VWA8: variants seen among roughly 807,000 people sequenced by gnomAD.
VWA8 encodes von Willebrand factor A domain-containing protein 8.
A neutral mutation model predicts 241.5 loss-of-function variants in VWA8; 221 were observed. The observed-to-expected ratio is 0.91, with a 90% CI of 0.82 to 1.02. The LOEUF (loss-of-function observed/expected upper bound fraction) is 1.02, where lower values mean the gene tolerates loss of function less well. VWA8 is among the 50% of genes least tolerant of loss of function. VWA8 has a pLI of 0.00. For synonymous variants in VWA8, 852 were observed against 827.1 expected, an observed-to-expected ratio of 1.03 and a Z score of -0.52; for missense variants, 2,322 against 2,328.7, an observed-to-expected ratio of 1.00 and a Z score of 0.06.
chr13:41,763,507 T>C (rs955338555), intron 20 of VWA8, among the ~76,000 whole-genome samples: 16 of 150,014 alleles, frequency 1.1e-4, no homozygotes, highest in African/African-American at 3.6e-4. Context: ...TCACCCAAAA[T>C]AGTTTCAAGC....
At chr13:41,725,507 G>A (rs1301828002) in intron 24 of VWA8, among the ~76,000 whole-genome samples, 1 of 152,192 alleles carries the variant, frequency 6.6e-6, no homozygotes, top group Non-Finnish European at 1.5e-5. Context: ...AGAGGCCAGA[G>A]AGTGGGAAGG....
At chr13:41,898,865 C>CT (rs1875279667) in intron 4 of VWA8, among the ~76,000 whole-genome samples, 1 of 151,388 alleles carries the variant, frequency 6.6e-6, no homozygotes, top group African/African-American at 2.4e-5. Context: ...GGCCGGCCGG[C>CT]TGCTCCGAGT....
intron 18 of VWA8, among the ~76,000 whole-genome samples, chr13:41,784,731 C>CATAT (rs1566456360): frequency 2.5e-5 from 1 of 40,684 alleles, no homozygotes; most frequent in African/African-American, 7.4e-5. Flanking sequence ...TATATATATA[C>CATAT]ACACACATAT....
chr13:41,932,708 GA>G (rs201581721), intron 2 of VWA8, among the ~76,000 whole-genome samples: 5 of 148,152 alleles, frequency 3.4e-5, no homozygotes, highest in South Asian at 2.1e-4. Flanking sequence ...AAAAGAAAAA[GA>G]AAAAAAAACA....
At chr13:41,956,333 A>G (rs998318314) in intron 1 of VWA8, among the ~76,000 whole-genome samples, 4 of 152,222 alleles carry the variant, frequency 2.6e-5, no homozygotes, top group African/African-American at 9.7e-5. Context: ...GGTTAGTGTC[A>G]TCATTTTTAT....
chr13:41,572,039 C>T (rs1264902274), intron 43 of VWA8, among the ~76,000 whole-genome samples: 3 of 152,142 alleles, frequency 2.0e-5, no homozygotes, highest in African/African-American at 7.2e-5. Flanking sequence ...GCCCGACCAC[C>T]ACCCCATCTG....
chr13:41,811,970 G>A (rs1394158741), intron 16 of VWA8, among the ~76,000 whole-genome samples: 1 of 152,082 alleles, frequency 6.6e-6, no homozygotes, highest in Non-Finnish European at 1.5e-5. Flanking sequence ...AATTCTTTTG[G>A]CAGGCAGCAT....
chr13:41,865,613 C>A (rs1343820963), intron 12 of VWA8, 123 bp downstream of exon 12: 3 of 946,896 alleles, frequency 3.2e-6, no homozygotes, highest in Non-Finnish European at 4.7e-6. Context: ...AATTTTATTA[C>A]TATTTTGGTT....
chr13:41,789,823 G>A (rs1869373326), intron 17 of VWA8, among the ~76,000 whole-genome samples: 1 of 152,098 alleles, frequency 6.6e-6, no homozygotes, highest in Non-Finnish European at 1.5e-5. Flanking sequence ...TAATTAATTT[G>A]TACTTGTGAT....
intron 21 of VWA8, among the ~76,000 whole-genome samples, chr13:41,749,858 A>G (rs1456300633): frequency 8.7e-6 from 1 of 114,814 alleles, no homozygotes; most frequent in African/African-American, 3.4e-5. Flanking sequence ...GGAACATCAC[A>G]CTCCGGGGCC....
At chr13:41,680,271 A>G (rs1593693097) in intron 35 of VWA8, among the ~76,000 whole-genome samples, 2 of 152,148 alleles carry the variant, frequency 1.3e-5, no homozygotes, top group African/African-American at 4.8e-5. Flanking sequence ...ATCTCTAAAT[A>G]TGTTCATATA....
At chr13:41,616,314 T>A (rs1424812590) in intron 37 of VWA8, among the ~76,000 whole-genome samples, 1 of 152,234 alleles carries the variant, frequency 6.6e-6, no homozygotes. Flanking sequence ...TGGACTTTTC[T>A]GCAAATAGCT....
At chr13:41,633,535 G>A (rs1427465299) in intron 37 of VWA8, among the ~76,000 whole-genome samples, 1 of 152,192 alleles carries the variant, frequency 6.6e-6, no homozygotes, top group Non-Finnish European at 1.5e-5. Flanking sequence ...CAGGAACTTT[G>A]GGGTAGGAGA....
chr13:41,685,214 C>G lies in VWA8; in HGVS notation c.4160G>C (p.Arg1387Thr), dbSNP rs768713345. Residue 1387 changes from arginine to threonine, a missense_variant, in exon 35 of 45, where the codon AGA (arginine) becomes ACA (threonine). Physicochemically the swap from Arg to Thr is moderately conservative, Grantham distance 71. Coordinates refer to ENST00000379310, the MANE Select transcript of VWA8 (RefSeq NM_015058.2). ...MSPSEVYSWK[R>T]PSSLHKRSGT... The stretch of plus-strand genomic sequence containing the variant: ...ACTTCGTTTATGCAAAGATGATGGT[C>G]TCTTCCAAGAATAAACTTCACTGGG... 6.2e-7 allele frequency: 1 copy of G among 1,612,858 alleles called. No individual in the cohort carries two copies. The highest frequency in any genetic ancestry group is 8.5e-7 in the Non-Finnish European group (1 of 1,179,514).
chr13:41,942,362 C>T (rs1012798659), intron 2 of VWA8, among the ~76,000 whole-genome samples: 32 of 152,136 alleles, frequency 2.1e-4, no homozygotes, highest in African/African-American at 7.5e-4. Context: ...TTTTCTAAAA[C>T]TCATCACACA....
intron 26 of VWA8, 37 bp from the exon 27 acceptor site, chr13:41,703,448 T>A: frequency 1.3e-6 from 2 of 1,581,904 alleles, no homozygotes; most frequent in South Asian, 2.2e-5. Flanking sequence ...TATTTCTTAT[T>A]GTACCCAAGT....
intron 2 of VWA8, among the ~76,000 whole-genome samples, chr13:41,922,561 T>C (rs1433462982): frequency 2.0e-5 from 3 of 151,900 alleles, no homozygotes; most frequent in Non-Finnish European, 2.9e-5. Flanking sequence ...TATCCAGAAT[T>C]TACAAAGAAC....
intron 21 of VWA8, among the ~76,000 whole-genome samples, chr13:41,747,862 A>G (rs2045621944): frequency 2.0e-5 from 3 of 152,036 alleles, no homozygotes; most frequent in Admixed American, 6.6e-5. Context: ...TAATCATGTG[A>G]TTTTTGTTTT....
chr13:41,691,829 C>A (rs776373652), intron 31 of VWA8, 45 bp downstream of exon 31: 2 of 1,407,722 alleles, frequency 1.4e-6, no homozygotes, highest in Non-Finnish European at 1.0e-6. Context: ...ATAGAATGGG[C>A]CAAATAAGAA....
Sources: allele counts gnomAD v4.1 joint callset (sites outside exome capture counted in the v4.1 genomes callset), GRCh38; gene constraint gnomAD v4.1.1; transcripts MANE v1.5; gene names NCBI Gene and HGNC (gene_info 2026-07-23, HGNC 2026-07-21).